CLECL1: variants seen among roughly 807,000 people sequenced by gnomAD.
The protein encoded by CLECL1 is C-type lectin like 1, also known as C-type lectin-like domain family 1.
At chr12:9,732,083 C>T (rs957549743) in intron 1 of CLECL1, among the ~76,000 whole-genome samples, 2 of 152,042 alleles carry the variant, frequency 1.3e-5, no homozygotes, top group African/African-American at 2.4e-5. Flanking sequence ...AAACAAGATG[C>T]TTTTACAACC....
chr12:9,712,668 G>A (rs974586509), downstream of CLECL1, among the ~76,000 whole-genome samples: 1 of 152,114 alleles, frequency 6.6e-6, no homozygotes, highest in Non-Finnish European at 1.5e-5. Context: ...CATTAAATAT[G>A]AGGTTATCTG....
At chr12:9,734,130 A>T (rs888934640), upstream of CLECL1, among the ~76,000 whole-genome samples, 1 of 152,248 alleles carries the variant, frequency 6.6e-6, no homozygotes, top group Non-Finnish European at 1.5e-5. Flanking sequence ...GGTTTTTTCA[A>T]TACCCACTCA....
At chr12:9,724,373 A>G (rs1359838486) in intron 3 of CLECL1, among the ~76,000 whole-genome samples, 1 of 152,148 alleles carries the variant, frequency 6.6e-6, no homozygotes, top group Non-Finnish European at 1.5e-5. Context: ...AAGGACAATC[A>G]ATGCAGCTCA....
At chr12:9,718,020 C>G (rs75226273), downstream of CLECL1, among the ~76,000 whole-genome samples, 2,979 of 152,158 alleles carry the variant, frequency 0.02, 104 homozygotes, top group African/African-American at 0.068. Context: ...TTATTCAACT[C>G]AGAATACGTT....
chr12:9,717,181 C>T (rs749088792), intron 2 of CLECL1, among the ~76,000 whole-genome samples: 2 of 152,164 alleles, frequency 1.3e-5, no homozygotes, highest in African/African-American at 4.8e-5. Flanking sequence ...GAGGCGGAGG[C>T]GGGCAGATCA....
the CLECL1 span, among the ~76,000 whole-genome samples, chr12:9,702,238 G>C: frequency 6.4e-3 from 975 of 152,270 alleles, 13 homozygotes; most frequent in African/African-American, 0.022. Context: ...CTCTCAGCGG[G>C]ATAGGGAGCT....
intron 1 of CLECL1, among the ~76,000 whole-genome samples, chr12:9,730,186 T>C (rs752388382): frequency 6.6e-6 from 1 of 152,334 alleles, no homozygotes; most frequent in African/African-American, 2.4e-5. Context: ...CACAGTTACT[T>C]GAGAGCAGAG....
chr12:9,708,118 A>G, the CLECL1 span, among the ~76,000 whole-genome samples: 1 of 152,172 alleles, frequency 6.6e-6, no homozygotes, highest in Non-Finnish European at 1.5e-5. Flanking sequence ...CCAGGACTGT[A>G]CAAGGTGCTT....
chr12:9,709,732 T>A, the CLECL1 span, among the ~76,000 whole-genome samples: 74 of 152,192 alleles, frequency 4.9e-4, no homozygotes, highest in African/African-American at 1.8e-3. Flanking sequence ...GGCATCCCAA[T>A]GATGAGATGG....
At chr12:9,722,478 A>AG, downstream of CLECL1, 7 of 1,333,444 alleles carry the variant, frequency 5.2e-6, no homozygotes, top group Non-Finnish European at 6.7e-6. Context: ...AAAAAAAAAA[A>AG]ACCTCAAAGG....
At chr12:9,721,093 C>T (rs2058560), downstream of CLECL1, among the ~76,000 whole-genome samples, 47,654 of 152,078 alleles carry the variant, frequency 0.31, 7,855 homozygotes, top group South Asian at 0.47. Flanking sequence ...GAAAGCCACA[C>T]ATCTCCCTTA....
upstream of CLECL1, chr12:9,733,106 T>G (rs754069990): frequency 6.6e-7 from 1 of 1,507,872 alleles, no homozygotes; most frequent in Non-Finnish European, 8.9e-7. Context: ...GCAAAGAAAC[T>G]TCTGATAAGT....
At chr12:9,714,896 C>A (rs1866223500), downstream of CLECL1, among the ~76,000 whole-genome samples, 1 of 152,192 alleles carries the variant, frequency 6.6e-6, no homozygotes, top group South Asian at 2.1e-4. Context: ...TTTAGTTTAT[C>A]ATAGAAAGTC....
downstream of CLECL1, among the ~76,000 whole-genome samples, chr12:9,713,753 C>T (rs7977720): frequency 0.54 from 81,809 of 152,002 alleles, 23,027 homozygotes; most frequent in African/African-American, 0.71. Flanking sequence ...AAGTTTTTTA[C>T]CATTTGGAGA....
chr12:9,728,604 C>CA (rs978470622), intron 2 of CLECL1, among the ~76,000 whole-genome samples: 4 of 151,492 alleles, frequency 2.6e-5, no homozygotes, highest in African/African-American at 9.7e-5. Context: ...ATTTTAGTAG[C>CA]AAAAAAATCT....
chr12:9,707,830 G>T, the CLECL1 span, among the ~76,000 whole-genome samples: 1 of 152,268 alleles, frequency 6.6e-6, no homozygotes, highest in East Asian at 1.9e-4. Context: ...GGTTCAAAAT[G>T]GCTATCTCTT....
At chr12:9,702,246 G>A in the CLECL1 span, among the ~76,000 whole-genome samples, 2 of 152,294 alleles carry the variant, frequency 1.3e-5, no homozygotes, top group Admixed American at 6.5e-5. Flanking sequence ...GGGATAGGGA[G>A]CTGGAAAGTG....
chr12:9,726,956 C>T (rs1309446146), intron 3 of CLECL1, among the ~76,000 whole-genome samples: 1 of 151,730 alleles, frequency 6.6e-6, no homozygotes, highest in African/African-American at 2.4e-5. Flanking sequence ...CTTAATTAAT[C>T]CCCAGAATTT....
chr12:9,715,887 T>G (rs1565479759), exon 3 of CLECL1: 1 of 152,432 alleles, frequency 6.6e-6, no homozygotes, highest in African/African-American at 2.4e-5. Context: ...GTCCGGTTCC[T>G]GCAGTGCTCC....
Sources: allele counts gnomAD v4.1 joint callset (sites outside exome capture counted in the v4.1 genomes callset), GRCh38; gene constraint gnomAD v4.1.1; transcripts MANE v1.5; gene names NCBI Gene and HGNC (gene_info 2026-07-23, HGNC 2026-07-21).